Variants in PCDHA12 observed in about 807,000 individuals in gnomAD.
The protein encoded by PCDHA12 is protocadherin alpha 12.
Under a neutral mutation model 60.0 loss-of-function variants are expected in PCDHA12, and 44 were observed. The observed-to-expected ratio is 0.73, with a 90% CI of 0.58 to 0.94. PCDHA12 has a LOEUF of 0.94. PCDHA12 is among the 40% of genes least tolerant of loss of function. The pLI is 0.00. For synonymous variants in PCDHA12, 569 were observed against 553.0 expected (o/e 1.03, Z -0.40); for missense variants, 1,276 against 1,239.7 (o/e 1.03, Z -0.44).
chr5:140,983,526 A>G (rs1421450953), intron 3 of PCDHA12, among the ~76,000 whole-genome samples: 3 of 152,230 alleles, frequency 2.0e-5, no homozygotes, highest in Admixed American at 2.0e-4. Flanking sequence ...TGCCAAGTAC[A>G]TTGTATGTGT....
intron 3 of PCDHA12, among the ~76,000 whole-genome samples, chr5:140,994,479 G>A (rs1229761223): frequency 1.3e-5 from 2 of 152,094 alleles, no homozygotes; most frequent in African/African-American, 4.8e-5. Context: ...GAGGCGGGTG[G>A]ATTGCCTGAA....
intron 1 of PCDHA12, among the ~76,000 whole-genome samples, chr5:140,937,898 T>C (rs11950543): frequency 0.02 from 2,906 of 145,270 alleles, 39 homozygotes; most frequent in East Asian, 0.058. Flanking sequence ...GGCGACAGAG[T>C]GAGACTCCGT....
At chr5:140,893,818 G>A (rs184696543) in intron 1 of PCDHA12, among the ~76,000 whole-genome samples, 14 of 152,114 alleles carry the variant, frequency 9.2e-5, no homozygotes, top group Admixed American at 3.3e-4. Context: ...GTCTGGTACC[G>A]TAGACTACTC....
intron 1 of PCDHA12, 185 bp downstream of exon 1, chr5:140,878,024 G>A (rs2057444305): frequency 7.9e-6 from 6 of 757,742 alleles, no homozygotes; most frequent in South Asian, 2.8e-5. Context: ...AAGGAAATAT[G>A]TAGGTACAAT....
intron 1 of PCDHA12, among the ~76,000 whole-genome samples, chr5:140,888,764 T>G (rs74654123): frequency 6.6e-6 from 1 of 152,068 alleles, no homozygotes; most frequent in Non-Finnish European, 1.5e-5. Flanking sequence ...CTTTTTTTTT[T>G]AATTTTGAAG....
rs1351628380 is a variant in PCDHA12, at chr5:140,928,607, G to A, written c.2368-50342G>A. ...TCTGTCCCAGTGGAAATTGTGCCCC[G>A]CTCTGCCAGGACTGGACACTTGGTC... On this transcript the variant is annotated intron_variant, in intron 1 of 3. Coordinates refer to ENST00000398631, the MANE Select transcript of PCDHA12 (RefSeq NM_018903.4). 3.1e-6 allele frequency: 5 copies of A among 1,614,068 alleles called. No homozygotes were observed. In the South Asian group the frequency reaches 3.3e-5, roughly 11 times the overall value.
At chr5:140,963,198 A>G (rs2095745338) in intron 1 of PCDHA12, among the ~76,000 whole-genome samples, 1 of 151,784 alleles carries the variant, frequency 6.6e-6, no homozygotes, top group South Asian at 2.1e-4. Context: ...GTGAAAATGA[A>G]AAAAAAAACC....
rs75377875 is a variant in PCDHA12 at position 140,902,598 on chromosome 5, C to T, written c.2367+24759C>T. The stretch of plus-strand genomic sequence containing the variant: ...ATTTCAATAGTTTTGGGAAACAGGT[C>T]GTTTTCAGTTACATGGGTAAGTTAT... On this transcript the variant is annotated intron_variant, in intron 1 of 3. Coordinates refer to ENST00000398631, the MANE Select transcript of PCDHA12 (RefSeq NM_018903.4). Among the ~76,000 whole-genome samples, 274 of 152,044 alleles carry T rather than the reference C, an allele frequency of 1.8e-3. 4 individuals are homozygous for T. In the East Asian group the frequency reaches 0.048, roughly 27 times the overall value.
intron 1 of PCDHA12, among the ~76,000 whole-genome samples, chr5:140,960,351 T>C (rs1268803425): frequency 3.3e-5 from 5 of 152,192 alleles, no homozygotes; most frequent in African/African-American, 7.2e-5. Flanking sequence ...AGATATGTAC[T>C]GAAATAATAT....
chr5:141,000,361 G>GTCTC (rs148596731), intron 3 of PCDHA12, among the ~76,000 whole-genome samples: 446 of 26,454 alleles, frequency 0.017, 11 homozygotes, highest in Non-Finnish European at 0.022. Flanking sequence ...GTCTCTCTCT[G>GTCTC]TCTCTCTCTC....
chr5:140,966,885 C>A (rs1554228854), intron 1 of PCDHA12: 1 of 1,590,816 alleles, frequency 6.3e-7, no homozygotes, highest in Admixed American at 1.7e-5. Flanking sequence ...CCTGGCCCTG[C>A]GGCCTCCCAG....
At chr5:140,975,634 A>G (rs1457671890) in intron 1 of PCDHA12, among the ~76,000 whole-genome samples, 4 of 152,244 alleles carry the variant, frequency 2.6e-5, no homozygotes, top group African/African-American at 9.6e-5. Context: ...TGGTACGAAG[A>G]TAGCATATTA....
At chr5:140,948,866 G>A (rs552659179) in intron 1 of PCDHA12, among the ~76,000 whole-genome samples, 32 of 151,022 alleles carry the variant, frequency 2.1e-4, no homozygotes, top group Non-Finnish European at 2.5e-4. Context: ...ATATTACTTC[G>A]GGTTTACTTT....
At chr5:140,914,695 A>T (rs970720014) in intron 1 of PCDHA12, among the ~76,000 whole-genome samples, 1 of 151,978 alleles carries the variant, frequency 6.6e-6, no homozygotes, top group African/African-American at 2.4e-5. Context: ...CTCTGGTGGT[A>T]TGATTTAATT....
At chr5:140,974,151 G>A (rs2096617637) in intron 1 of PCDHA12, among the ~76,000 whole-genome samples, 1 of 152,118 alleles carries the variant, frequency 6.6e-6, no homozygotes, top group Non-Finnish European at 1.5e-5. Context: ...ACTATACAAG[G>A]GTTTTTCTTT....
chr5:140,926,702 G>C (rs2083474783), intron 1 of PCDHA12: 1 of 832,476 alleles, frequency 1.2e-6, no homozygotes, highest in South Asian at 2.8e-5. Context: ...CCGGCTCCCA[G>C]CTGGCCAGCC....
intron 1 of PCDHA12, chr5:140,968,169 G>A (rs781969621): frequency 6.8e-6 from 11 of 1,613,982 alleles, no homozygotes; most frequent in African/African-American, 1.3e-5. Context: ...AATCCACCAA[G>A]CTTCCTGGAG....
At chr5:140,906,750 T>C (rs782209238) in intron 1 of PCDHA12, among the ~76,000 whole-genome samples, 2 of 152,216 alleles carry the variant, frequency 1.3e-5, no homozygotes, top group Non-Finnish European at 2.9e-5. Flanking sequence ...ACACAGGGCA[T>C]GGTAATACTA....
At chr5:140,907,517 G>C (rs1174112923) in intron 1 of PCDHA12, among the ~76,000 whole-genome samples, 1 of 152,192 alleles carries the variant, frequency 6.6e-6, no homozygotes, top group Non-Finnish European at 1.5e-5. Flanking sequence ...TTCCAGTGAG[G>C]ACAAATCGCT....
Sources: allele counts gnomAD v4.1 joint callset (sites outside exome capture counted in the v4.1 genomes callset), GRCh38; gene constraint gnomAD v4.1.1; transcripts MANE v1.5; gene names NCBI Gene and HGNC (gene_info 2026-07-23, HGNC 2026-07-21).